Variants in PIK3C2G observed in about 807,000 individuals in gnomAD.
The protein encoded by PIK3C2G is phosphatidylinositol-4-phosphate 3-kinase catalytic subunit type 2 gamma.
Under a neutral mutation model 181.1 loss-of-function variants are expected in PIK3C2G, and 168 were observed. That is an observed-to-expected ratio of 0.93 (90% CI 0.82 to 1.05). PIK3C2G has a LOEUF of 1.05. PIK3C2G is among the 50% of genes least tolerant of loss of function. The probability of loss-of-function intolerance (pLI) is 0.00; values close to 1 mark genes in which losing one functional copy is unlikely to be tolerated. For synonymous variants in PIK3C2G, 573 were observed against 592.2 expected, an observed-to-expected ratio of 0.97 and a Z score of 0.47; for missense variants, 1,869 against 1,732.8, an observed-to-expected ratio of 1.08 and a Z score of -1.40.
chr12:18,684,253 A>AT, the PIK3C2G span: 1 of 1,609,952 alleles, frequency 6.2e-7, no homozygotes, highest in Non-Finnish European at 8.5e-7. Context: ...ATAAATGTGA[A>AT]TGTTTCATTC....
At chr12:18,374,837 C>G (rs1942324075) in intron 13 of PIK3C2G, among the ~76,000 whole-genome samples, 1 of 152,052 alleles carries the variant, frequency 6.6e-6, no homozygotes. Context: ...TGTGTGGCAC[C>G]TCCTCCCACC....
chr12:18,294,250 G>T (rs1466545381), intron 5 of PIK3C2G, among the ~76,000 whole-genome samples: 1 of 151,984 alleles, frequency 6.6e-6, no homozygotes, highest in Non-Finnish European at 1.5e-5. Flanking sequence ...TGTGACTAGG[G>T]TGACCAACCA....
the PIK3C2G span, among the ~76,000 whole-genome samples, chr12:18,668,844 C>T: frequency 1.3e-5 from 2 of 152,100 alleles, no homozygotes; most frequent in African/African-American, 4.8e-5. Flanking sequence ...TACACGAGTG[C>T]AGAAGGAGCT....
the PIK3C2G span, among the ~76,000 whole-genome samples, chr12:18,656,644 A>G: frequency 1.3e-5 from 2 of 152,118 alleles, no homozygotes; most frequent in Non-Finnish European, 2.9e-5. Flanking sequence ...GCTCAGGTGG[A>G]AGGATTGCTT....
chr12:18,348,896 A>G lies in PIK3C2G; in HGVS notation c.1625+2060A>G, dbSNP rs74919901. On this transcript the variant is annotated intron_variant, in intron 11 of 32. Transcript: ENST00000538779. ...AGTTGCAGTCAAACTGTTGACTGAGACCACAGTCATCTCAAGCTCACTGGG... is the reference window on the plus strand; with the variant it reads ...AGTTGCAGTCAAACTGTTGACTGAGGCCACAGTCATCTCAAGCTCACTGGG... Among the ~76,000 whole-genome samples, 27 of 152,240 alleles carry G rather than the reference A, an allele frequency of 1.8e-4. No homozygotes were observed. In the East Asian group the frequency reaches 3.7e-3, roughly 21 times the overall value.
intron 18 of PIK3C2G, among the ~76,000 whole-genome samples, chr12:18,466,844 AC>A (rs1937936208): frequency 6.6e-6 from 1 of 152,186 alleles, no homozygotes; most frequent in South Asian, 2.1e-4. Context: ...GTTGCTAATA[AC>A]TAATTCAATC....
At chr12:18,338,172 T>C (rs1483419519) in intron 8 of PIK3C2G, among the ~76,000 whole-genome samples, 1 of 152,108 alleles carries the variant, frequency 6.6e-6, no homozygotes, top group Non-Finnish European at 1.5e-5. Context: ...CTCATTTTGT[T>C]TCAAGTAATG....
At chr12:18,692,044 A>G in the PIK3C2G span, among the ~76,000 whole-genome samples, 1 of 152,296 alleles carries the variant, frequency 6.6e-6, no homozygotes, top group East Asian at 1.9e-4. Flanking sequence ...TGGTGGAAAA[A>G]GGAGCTGAGC....
chr12:18,410,573 A>G (rs2135624307), intron 16 of PIK3C2G, among the ~76,000 whole-genome samples: 1 of 152,182 alleles, frequency 6.6e-6, no homozygotes, highest in African/African-American at 2.4e-5. Context: ...GGTGTCATGA[A>G]ATAGTTGCAT....
intron 18 of PIK3C2G, among the ~76,000 whole-genome samples, chr12:18,452,353 T>C (rs1947408635): frequency 6.6e-6 from 1 of 152,198 alleles, no homozygotes; most frequent in Non-Finnish European, 1.5e-5. Context: ...CTAGTTTATT[T>C]GCATAGAGGT....
At chr12:18,262,581 G>C (rs928088176) in intron 1 of PIK3C2G, among the ~76,000 whole-genome samples, 3 of 145,518 alleles carry the variant, frequency 2.1e-5, no homozygotes, top group Non-Finnish European at 1.5e-5. Context: ...AAAATAGTGA[G>C]CATAAGAAAA....
chr12:18,327,710 A>G (rs779820335), intron 8 of PIK3C2G, among the ~76,000 whole-genome samples: 2 of 152,046 alleles, frequency 1.3e-5, no homozygotes, highest in Admixed American at 1.3e-4. Flanking sequence ...GAATAATATG[A>G]ATTCAATAGG....
intron 1 of PIK3C2G, among the ~76,000 whole-genome samples, chr12:18,281,224 GA>G (rs1949201377): frequency 1.9e-5 from 1 of 52,328 alleles, no homozygotes; most frequent in Admixed American, 2.3e-4. Flanking sequence ...TAACAGGGAA[GA>G]AAAAAAGCCC....
intron 5 of PIK3C2G, among the ~76,000 whole-genome samples, chr12:18,306,129 T>G (rs1454322803): frequency 6.6e-6 from 1 of 152,028 alleles, no homozygotes; most frequent in Non-Finnish European, 1.5e-5. Flanking sequence ...ATGTACTATA[T>G]GTACGAAGAA....
intron 1 of PIK3C2G, among the ~76,000 whole-genome samples, chr12:18,254,615 C>A (rs1948125677): frequency 6.6e-6 from 1 of 151,864 alleles, no homozygotes; most frequent in Non-Finnish European, 1.5e-5. Context: ...GAGGCCAAGG[C>A]AGGTGGATCA....
chr12:18,351,343 A>G (rs566013704), intron 11 of PIK3C2G, among the ~76,000 whole-genome samples: 1 of 152,176 alleles, frequency 6.6e-6, no homozygotes, highest in Non-Finnish European at 1.5e-5. Context: ...CAATCATGTC[A>G]CCATTTCCTC....
chr12:18,345,366 A>T (rs1939572271), intron 10 of PIK3C2G, among the ~76,000 whole-genome samples: 1 of 152,184 alleles, frequency 6.6e-6, no homozygotes, highest in Non-Finnish European at 1.5e-5. Context: ...TCCCCCCCAG[A>T]CTGTTTCAAC....
At chr12:18,660,456 G>A in the PIK3C2G span, among the ~76,000 whole-genome samples, 13 of 151,980 alleles carry the variant, frequency 8.6e-5, no homozygotes, top group African/African-American at 1.5e-4. Context: ...CCAGCGCCTC[G>A]GCACCTTTAG....
intron 29 of PIK3C2G, among the ~76,000 whole-genome samples, chr12:18,583,816 A>G (rs1946628872): frequency 6.6e-6 from 1 of 151,928 alleles, no homozygotes; most frequent in Non-Finnish European, 1.5e-5. Flanking sequence ...ATGGCCAGTT[A>G]TGTCCTCCAA....
Sources: gnomAD v4.1 joint callset for allele counts (sites outside exome capture counted in the v4.1 genomes callset) on GRCh38, gnomAD v4.1.1 for gene constraint, MANE v1.5 for transcripts, NCBI Gene and HGNC (gene_info 2026-07-23, HGNC 2026-07-21) for gene names.